The following FRYL variants were observed in gnomAD, a reference collection of about 807,000 sequenced individuals.
FRYL encodes the protein FRY like transcription coactivator.
In FRYL, 150 loss-of-function variants were observed where a neutral mutation model predicts 351.2. The ratio of observed to expected loss-of-function variants is 0.43; its 90% CI spans 0.37 to 0.49. FRYL has a LOEUF of 0.49. FRYL is among the 20% of genes least tolerant of loss of function. The pLI, the probability that FRYL is intolerant of heterozygous loss-of-function variation, is 0.00. For missense variants in FRYL, 3,036 were observed against 3,619.3 expected, an observed-to-expected ratio of 0.84 and a Z score of 4.13; for synonymous variants, 1,153 against 1,257.1, an observed-to-expected ratio of 0.92 and a Z score of 1.75.
At chr4:48,560,243 G>C (rs1735166349) in intron 33 of FRYL, among the ~76,000 whole-genome samples, 1 of 152,192 alleles carries the variant, frequency 6.6e-6, no homozygotes, top group African/African-American at 2.4e-5. Context: ...GCTGATACCT[G>C]TATCTGTGCA....
At position 48,567,787 on chromosome 4, in the gene FRYL, A is replaced by G. The variant is rs1737115948; in HGVS notation, c.2997-367T>C. Among the ~76,000 whole-genome samples the G allele has an allele frequency of 6.6e-6, 1 of 152,224 alleles. No individual in the cohort carries two copies. The highest frequency in any genetic ancestry group is 6.5e-5 in the Admixed American group (1 of 15,284). On this transcript the variant is annotated intron_variant, in intron 27 of 63. Transcript: ENST00000358350. This position sits in a 1 kb window ranked among gnomAD's most constrained non-coding sequence, Gnocchi z 4.2. The stretch of plus-strand genomic sequence containing the variant: ...AGTAGAAAGAGGAAAGACTAGTTCT[A>G]TTTATTCATAGCTGCCATGTCTATT...
intron 3 of FRYL, among the ~76,000 whole-genome samples, chr4:48,643,414 C>T (rs569970582): frequency 1.3e-5 from 2 of 152,120 alleles, no homozygotes; most frequent in Admixed American, 6.5e-5. Flanking sequence ...TCTTAAAAGA[C>T]GGTAGCAGTC....
intron 35 of FRYL, among the ~76,000 whole-genome samples, chr4:48,553,661 A>AC (rs202224827): frequency 0.42 from 62,214 of 146,828 alleles, 13,464 homozygotes; most frequent in Admixed American, 0.56. Flanking sequence ...TTAAAAAAAA[A>AC]AAAAAAAAAA....
chr4:48,540,165 C>A (rs1729849607), intron 46 of FRYL, 97 bp from the exon 47 acceptor site: 2 of 1,170,022 alleles, frequency 1.7e-6, no homozygotes, highest in East Asian at 2.6e-5. Context: ...AAACCATTTT[C>A]TTTTCATTTC....
intron 19 of FRYL, among the ~76,000 whole-genome samples, chr4:48,586,067 A>T (rs1357472745): frequency 6.6e-6 from 1 of 152,222 alleles, no homozygotes; most frequent in Non-Finnish European, 1.5e-5. Context: ...CAGTTTTTCA[A>T]CAGGCTATCG....
intron 41 of FRYL, among the ~76,000 whole-genome samples, chr4:48,547,268 G>C (rs1348165055): frequency 1.3e-5 from 2 of 152,146 alleles, no homozygotes; most frequent in Non-Finnish European, 2.9e-5. Context: ...CTGCAAATAA[G>C]AGGAATCTAA....
chr4:48,652,824 G>A (rs1229907965), intron 3 of FRYL, among the ~76,000 whole-genome samples: 1 of 152,108 alleles, frequency 6.6e-6, no homozygotes, highest in Admixed American at 6.6e-5. Flanking sequence ...GTTTGCTTAG[G>A]CACCAGCAGC....
intron 3 of FRYL, among the ~76,000 whole-genome samples, chr4:48,666,399 A>G (rs1761725195): frequency 6.6e-6 from 1 of 151,616 alleles, no homozygotes; most frequent in South Asian, 2.1e-4. Flanking sequence ...AAATAAATAA[A>G]TAAATAAATA....
intron 47 of FRYL, among the ~76,000 whole-genome samples, chr4:48,536,907 C>G (rs1203819431): frequency 6.6e-6 from 1 of 152,068 alleles, no homozygotes; most frequent in East Asian, 1.9e-4. Flanking sequence ...TATCATGGAA[C>G]AAGCACAAAA....
At chr4:48,744,082 A>C (rs149693274) in intron 1 of FRYL, among the ~76,000 whole-genome samples, 64 of 152,328 alleles carry the variant, frequency 4.2e-4, no homozygotes, top group African/African-American at 1.4e-3. Context: ...ATAGGTCAGT[A>C]AATGTATTTA....
At chr4:48,694,523 C>G (rs1264367014) in intron 2 of FRYL, among the ~76,000 whole-genome samples, 2 of 152,098 alleles carry the variant, frequency 1.3e-5, no homozygotes, top group Non-Finnish European at 2.9e-5. Context: ...TCTTGAACTC[C>G]TGACCTCAGG....
intron 1 of FRYL, among the ~76,000 whole-genome samples, chr4:48,763,614 T>C (rs1456361240): frequency 6.6e-6 from 1 of 152,152 alleles, no homozygotes; most frequent in Admixed American, 6.5e-5. Flanking sequence ...GGATTACATG[T>C]ATTTGTTATC....
chr4:48,675,384 G>C (rs995309723), intron 3 of FRYL, among the ~76,000 whole-genome samples: 1 of 152,238 alleles, frequency 6.6e-6, no homozygotes, highest in African/African-American at 2.4e-5. Context: ...GGCGCTTGCG[G>C]GCCAGCTGGA....
intron 1 of FRYL, among the ~76,000 whole-genome samples, chr4:48,721,272 G>A (rs1007768387): frequency 6.6e-6 from 1 of 152,108 alleles, no homozygotes; most frequent in African/African-American, 2.4e-5. Flanking sequence ...CAGAGAGGTA[G>A]AGAGTGGAGG....
chr4:48,597,549 C>T (rs1744846379), intron 13 of FRYL, among the ~76,000 whole-genome samples: 1 of 151,972 alleles, frequency 6.6e-6, no homozygotes, highest in African/African-American at 2.4e-5. Context: ...ACCCTCCTCT[C>T]AATTTTACTG....
chr4:48,601,953 C>T (rs1745799704), intron 13 of FRYL, 67 bp downstream of exon 13: 9 of 900,792 alleles, frequency 1.0e-5, no homozygotes, highest in Non-Finnish European at 1.8e-6. Flanking sequence ...ATGCACTGTT[C>T]AATTTATATG....
intron 7 of FRYL, among the ~76,000 whole-genome samples, chr4:48,612,542 A>G (rs1403431893): frequency 6.6e-6 from 1 of 151,768 alleles, no homozygotes; most frequent in Non-Finnish European, 1.5e-5. Context: ...ACATGCATAC[A>G]GTTTTATTAC....
chr4:48,763,037 G>T (rs1774565962), intron 1 of FRYL, among the ~76,000 whole-genome samples: 2 of 110,694 alleles, frequency 1.8e-5, no homozygotes, highest in African/African-American at 7.1e-5. Context: ...TAATAGTAAA[G>T]AAAGAATTAT....
At chr4:48,702,424 C>A (rs1766828252) in intron 2 of FRYL, among the ~76,000 whole-genome samples, 1 of 124,338 alleles carries the variant, frequency 8.0e-6, no homozygotes, top group Non-Finnish European at 1.6e-5. Flanking sequence ...CCACTATACT[C>A]CAGCCTGGGT....
Sources: gnomAD v4.1 joint callset for allele counts (sites outside exome capture counted in the v4.1 genomes callset) on GRCh38, gnomAD v4.1.1 for gene constraint, Gnocchi (gnomAD v3.1) non-coding constraint, MANE v1.5 for transcripts, NCBI Gene and HGNC (gene_info 2026-07-23, HGNC 2026-07-21) for gene names.